Variants in SOX30 observed in about 807,000 individuals in gnomAD.
SOX30 encodes the protein transcription factor SOX-30.
A neutral mutation model predicts 58.6 loss-of-function variants in SOX30; 17 were observed. The observed-to-expected ratio is 0.29, with a 90% CI of 0.20 to 0.44. The LOEUF (loss-of-function observed/expected upper bound fraction) is 0.44, where lower values mean the gene tolerates loss of function less well. Among genes scored for constraint, SOX30 ranks in the 20% least tolerant of loss-of-function variants. The probability of loss-of-function intolerance (pLI) is 1.00; values close to 1 mark genes in which losing one functional copy is unlikely to be tolerated. For missense variants in SOX30, 951 were observed against 965.8 expected (o/e 0.98, Z 0.20); for synonymous variants, 421 against 400.2 (o/e 1.05, Z -0.62).
At chr5:157,643,076 A>G (rs1409484526) in intron 3 of SOX30, among the ~76,000 whole-genome samples, 2 of 151,934 alleles carry the variant, frequency 1.3e-5, no homozygotes, top group Non-Finnish European at 2.9e-5. Flanking sequence ...TTCACCCAAG[A>G]ATTTTTTTTT....
intron 4 of SOX30, 78 bp downstream of exon 4, chr5:157,638,152 A>G: frequency 1.1e-5 from 16 of 1,397,912 alleles, no homozygotes; most frequent in East Asian, 2.3e-5. Flanking sequence ...TTAAAAACAA[A>G]TAAACAAAAA....
Position 157,651,565 on chromosome 5 carries a change from C to T in SOX30, c.514G>A (p.Gly172Arg). ...CCTCGGAAGTAGCCGAGGGCCGGCCCGGGGCCTTCCAACTTGACCACCCTG... is the reference window on the plus strand; with the variant it reads ...CCTCGGAAGTAGCCGAGGGCCGGCCTGGGGCCTTCCAACTTGACCACCCTG... ...ASRVVKLEGPGPALGYFRGDE... is the reference protein window; with the variant it reads ...ASRVVKLEGPRPALGYFRGDE... The change falls in exon 1 of 5, where the codon GGG (glycine) becomes AGG (arginine). Residue 172 changes from glycine to arginine, a missense_variant. This residue lies in a region of SOX30 where 363 missense variants were observed against 294.5 expected (regional missense o/e 1.23). Transcript: ENST00000265007. 3 of 1,613,314 alleles carry T rather than the reference C, an allele frequency of 1.9e-6. No homozygotes were observed. Among genetic ancestry groups the T allele is most frequent in the African/African-American group, 2.7e-5 (2 of 75,064 alleles).
Position 157,638,280 on chromosome 5 carries a change from G to C in SOX30, c.1830C>G (p.Phe610Leu), listed in dbSNP as rs779168856. Reference protein sequence around the residue: ...PATLFGTPPRFSFHHPYFLPG... With the variant: ...PATLFGTPPRLSFHHPYFLPG... ...GTAGGAAGTAAGGGTGATGAAAAGA[G>C]AATCTTGGTGGTGTCCCGAACAGTG... is the stretch of plus-strand genomic sequence containing the variant. The change falls in exon 4 of 5, where the codon TTC becomes TTG. Residue 610 changes from phenylalanine (F) to leucine (L), a missense_variant. Phe to Leu is a conservative substitution (Grantham distance 22). Transcript: ENST00000265007. 7.0e-6 allele frequency: 11 copies of C among 1,574,820 alleles called. No individual in the cohort carries two copies. The African/African-American group carries it at 9.5e-5, about 14-fold the overall frequency.
At chr5:157,650,732 C>A (rs1025707678) in intron 1 of SOX30, among the ~76,000 whole-genome samples, 1 of 152,094 alleles carries the variant, frequency 6.6e-6, no homozygotes. Context: ...ACCATTATTT[C>A]TTCTATTTCT....
At chr5:157,628,365 TCACACACACACACACACA>T (rs70984476) in intron 4 of SOX30, among the ~76,000 whole-genome samples, 4 of 139,706 alleles carry the variant, frequency 2.9e-5, no homozygotes, top group Admixed American at 1.5e-4. Context: ...TTTCTGGCCT[TCACACACACACACACACA>T]CACACACACA....
At chr5:157,652,789 C>T (rs1354448622), upstream of SOX30, among the ~76,000 whole-genome samples, 1 of 152,184 alleles carries the variant, frequency 6.6e-6, no homozygotes, top group African/African-American at 2.4e-5. Context: ...CTGTTCCAGG[C>T]TCCCAGCATC....
At chr5:157,653,772 G>A (rs1420771542), upstream of SOX30, among the ~76,000 whole-genome samples, 1 of 152,170 alleles carries the variant, frequency 6.6e-6, no homozygotes, top group Non-Finnish European at 1.5e-5. Context: ...CAATCCTCTG[G>A]TAACAAATGT....
At chr5:157,655,122 G>A (rs116708698), upstream of SOX30, among the ~76,000 whole-genome samples, 273 of 152,262 alleles carry the variant, frequency 1.8e-3, 4 homozygotes, top group African/African-American at 5.7e-3. Context: ...GGATTATAGT[G>A]TGTAAGCCCC....
chr5:157,656,862 T>C (rs1445183672), upstream of SOX30, among the ~76,000 whole-genome samples: 1 of 152,226 alleles, frequency 6.6e-6, no homozygotes, highest in East Asian at 1.9e-4. Context: ...ACATTCTGTG[T>C]GTGAATATAT....
intron 4 of SOX30, among the ~76,000 whole-genome samples, chr5:157,629,265 A>C (rs1375224653): frequency 6.6e-6 from 1 of 152,182 alleles, no homozygotes; most frequent in African/African-American, 2.4e-5. Flanking sequence ...TACCCCATAA[A>C]TACGTAAAAT....
At chr5:157,632,047 TAAAAAAAA>T (rs570172679) in intron 4 of SOX30, among the ~76,000 whole-genome samples, 64 of 56,410 alleles carry the variant, frequency 1.1e-3, no homozygotes, top group African/African-American at 2.7e-3. Flanking sequence ...ACCCCGTAAC[TAAAAAAAA>T]AAAAAAAAAA....
chr5:157,628,160 T>G (rs1392487586), intron 4 of SOX30, among the ~76,000 whole-genome samples: 1 of 151,984 alleles, frequency 6.6e-6, no homozygotes, highest in Non-Finnish European at 1.5e-5. Flanking sequence ...AAAAAAAAAT[T>G]TTTTTAAAAA....
exon 1 of SOX30, chr5:157,671,424 C>T: frequency 1.7e-6 from 1 of 588,172 alleles, no homozygotes; most frequent in South Asian, 2.2e-5. Context: ...GCGTCCGTGG[C>T]CGCCGGACTC....
chr5:157,652,670 T>C (rs114098304), upstream of SOX30, among the ~76,000 whole-genome samples: 326 of 152,374 alleles, frequency 2.1e-3, 1 homozygote, highest in African/African-American at 7.3e-3. Flanking sequence ...CGACTTTGTG[T>C]GATTATTGTG....
chr5:157,644,394 A>G (rs1169777041), intron 3 of SOX30, among the ~76,000 whole-genome samples: 5 of 152,240 alleles, frequency 3.3e-5, no homozygotes, highest in African/African-American at 7.2e-5. Context: ...ACTGTTGTGC[A>G]TAGCTCTGAA....
intron 2 of SOX30, among the ~76,000 whole-genome samples, chr5:157,647,377 T>C (rs903072738): frequency 6.6e-6 from 1 of 151,652 alleles, no homozygotes; most frequent in African/African-American, 2.4e-5. Flanking sequence ...AAATGTTTTA[T>C]AACCAATGAC....
chr5:157,648,958 A>C, intron 1 of SOX30, 62 bp from the exon 2 acceptor site: 1 of 1,536,028 alleles, frequency 6.5e-7, no homozygotes, highest in South Asian at 1.3e-5. Flanking sequence ...ACACAATTTT[A>C]AGGTAAAGTG....
rs1758651081 is a variant in SOX30, at chr5:157,626,309, T to C, written c.*31A>G. 1 of 1,511,020 alleles carries C rather than the reference T, an allele frequency of 6.6e-7. No homozygotes were observed. 93.6% of individuals were successfully genotyped at this position (1,511,020 alleles called of 1,614,324 possible). A position where few individuals can be genotyped will look rare whatever the true frequency, so the allele number is the denominator to read the frequency against. On this transcript the variant is annotated 3_prime_UTR_variant, in exon 5 of 5. Transcript: ENST00000265007. ...CTGACCCAGAATATATTTTAAGAAA[T>C]GTTTATTTTCTGTGCATATTTGTTT...
At position 157,626,273 on chromosome 5, in the gene SOX30, T is replaced by TC. The variant is rs1354359183; in HGVS notation, c.*66dup. The stretch of plus-strand genomic sequence containing the variant: ...ACAAAGAATTCTAGGCTTTTTTTTT[T>TC]CTCATACCAACTGACCCAGAATATA... On this transcript the variant is annotated 3_prime_UTR_variant, in exon 5 of 5. Coordinates refer to ENST00000265007, the MANE Select transcript of SOX30 (RefSeq NM_178424.2). 3.0e-6 allele frequency: 4 copies of TC among 1,351,180 alleles called. No individual in the cohort carries two copies. In the African/African-American group the frequency reaches 5.9e-5, roughly 20 times the overall value. The allele number at this position is 1,351,180 out of a possible 1,614,324, so 83.7% of individuals were successfully genotyped here. A position where few individuals can be genotyped will look rare whatever the true frequency, so the allele number is the denominator to read the frequency against.
Sources: gnomAD v4.1 joint callset for allele counts (sites outside exome capture counted in the v4.1 genomes callset) on GRCh38, gnomAD v4.1.1 for gene constraint, gnomAD v4.1.1 regional missense constraint, MANE v1.5 for transcripts, NCBI Gene and HGNC (gene_info 2026-07-23, HGNC 2026-07-21) for gene names.